The following SEL1L2 variants were observed in gnomAD, a reference collection of about 807,000 sequenced individuals.
SEL1L2 encodes protein sel-1 homolog 2.
Under a neutral mutation model 98.8 loss-of-function variants are expected in SEL1L2, and 89 were observed. That is an observed-to-expected ratio of 0.90 (90% confidence interval 0.76 to 1.07). SEL1L2 has a LOEUF of 1.07. Among genes scored for constraint, SEL1L2 ranks in the 50% least tolerant of loss-of-function variants. The pLI is 0.00. For synonymous variants in SEL1L2, 262 were observed against 278.5 expected, an observed-to-expected ratio of 0.94 and a Z score of 0.59; for missense variants, 788 against 812.0, an observed-to-expected ratio of 0.97 and a Z score of 0.36.
Position 13,869,573 on chromosome 20 carries a change from AAG to A in SEL1L2, c.1183_1184del (p.Leu395Ter). 1 of 1,614,038 alleles carries A rather than the reference AAG, an allele frequency of 6.2e-7. No individual in the cohort carries two copies. ...KGVPLNYAEA[L>X]KYFQKAAEKG... The stretch of plus-strand genomic sequence containing the variant: ...TTTCCGCAGCTTTCTGAAAGTATTT[AAG>A]TGCTTCGGCATAATTCTGCAAGATA... On this transcript the variant is annotated frameshift_variant, in exon 14 of 20. Transcript: ENST00000284951. LOFTEE classifies it high-confidence loss of function.
Position 13,925,063 on chromosome 20 carries a change from C to A in SEL1L2, c.284-5940G>T, listed in dbSNP as rs563890660. The stretch of plus-strand genomic sequence containing the variant: ...CTGAGGTAGGACAATTGCTTAAACC[C>A]GGGAGAAGGAGGATGCAGTGAGCAG... On this transcript the variant is annotated intron_variant, in intron 3 of 19. Transcript: ENST00000284951. Among the ~76,000 whole-genome samples the A allele has an allele frequency of 2.0e-5, 3 of 152,096 alleles. No homozygotes were observed. In the East Asian group the frequency reaches 5.8e-4, roughly 29 times the overall value.
intron 1 of SEL1L2, among the ~76,000 whole-genome samples, chr20:13,982,152 A>C (rs1257525652): frequency 6.6e-6 from 1 of 152,146 alleles, no homozygotes; most frequent in African/African-American, 2.4e-5. Flanking sequence ...AGTTGCTATT[A>C]ACTTTTTGTT....
At position 13,877,564 on chromosome 20, in the gene SEL1L2, C is replaced by T. The variant is rs199635097; in HGVS notation, c.982G>A (p.Ala328Thr). The T allele has an allele frequency of 5.5e-5, 88 of 1,613,002 alleles. No homozygotes were observed. The highest frequency in any genetic ancestry group is 8.3e-5 in the Admixed American group (5 of 60,000). Residue 328 changes from alanine to threonine, a missense_variant, in exon 11 of 20, where the codon GCA (alanine) becomes ACA (threonine). Ala to Thr is a moderately conservative substitution (Grantham distance 58). Transcript: ENST00000284951. The stretch of plus-strand genomic sequence containing the variant: ...GCATTTGCACTCCCGGCCTTTGCTG[C>T]CTTTAAGAAGTAGTGTAATGCTTTC... ...YYKALHYFLK[A>T]AKAGSANAMA...
intron 2 of SEL1L2, among the ~76,000 whole-genome samples, chr20:13,940,556 T>C (rs1325145541): frequency 2.0e-5 from 3 of 152,172 alleles, no homozygotes; most frequent in Non-Finnish European, 2.9e-5. Context: ...GATATTGCGA[T>C]CCTAGGAGAC....
At chr20:13,982,810 G>T (rs915271862) in intron 1 of SEL1L2, among the ~76,000 whole-genome samples, 1 of 151,270 alleles carries the variant, frequency 6.6e-6, no homozygotes, top group African/African-American at 2.4e-5. Context: ...TGGATTACAA[G>T]GTCAGGAGAC....
At chr20:13,873,403 C>T (rs2046292233) in intron 12 of SEL1L2, among the ~76,000 whole-genome samples, 1 of 151,966 alleles carries the variant, frequency 6.6e-6, no homozygotes, top group African/African-American at 2.4e-5. Flanking sequence ...TGCTCTGTTG[C>T]CAGGCTGGAG....
At chr20:13,948,286 A>G (rs889382583) in intron 2 of SEL1L2, among the ~76,000 whole-genome samples, 9 of 152,150 alleles carry the variant, frequency 5.9e-5, no homozygotes, top group African/African-American at 2.2e-4. Flanking sequence ...ATGAAATCTC[A>G]AGGGACTCTG....
chr20:13,849,489 C>T lies in SEL1L2; in HGVS notation c.2063G>A (p.Gly688Glu), dbSNP rs759069759. Residue 688 changes from glycine to glutamate, a missense_variant, in exon 20 of 20, where the codon GGG becomes GAG. Coordinates refer to ENST00000284951, the MANE Select transcript of SEL1L2 (RefSeq NM_025229.2). ...GLILLLRNHH[G>E] Reference sequence around the variant, plus strand: ...GGTTTTCCTGTGATCCGCATCCTACCCATGGTGATTTCTAAGCAACAAAAT... The same window carrying T: ...GGTTTTCCTGTGATCCGCATCCTACTCATGGTGATTTCTAAGCAACAAAAT... The T allele has an allele frequency of 1.9e-6, 3 of 1,613,774 alleles. No individual in the cohort carries two copies. The highest frequency in any genetic ancestry group is 2.5e-6 in the Non-Finnish European group (3 of 1,179,856).
upstream of SEL1L2, among the ~76,000 whole-genome samples, chr20:13,994,082 G>A (rs942711903): frequency 1.3e-5 from 2 of 151,926 alleles, no homozygotes; most frequent in African/African-American, 2.4e-5. Context: ...ATCACTTGAG[G>A]TCAGGAGGTC....
At chr20:13,948,653 G>T (rs1191746195) in intron 2 of SEL1L2, among the ~76,000 whole-genome samples, 21 of 152,146 alleles carry the variant, frequency 1.4e-4, no homozygotes, top group Admixed American at 1.3e-3. Context: ...AAAATACTTA[G>T]AAGAAAACAT....
chr20:13,977,876 G>T (rs1390046930), intron 1 of SEL1L2, among the ~76,000 whole-genome samples: 5 of 151,918 alleles, frequency 3.3e-5, no homozygotes, highest in Non-Finnish European at 7.4e-5. Flanking sequence ...TAAATAAAAA[G>T]ATATATTCAT....
At chr20:13,990,107 G>A (rs1448028001) in intron 1 of SEL1L2, among the ~76,000 whole-genome samples, 1 of 152,124 alleles carries the variant, frequency 6.6e-6, no homozygotes, top group South Asian at 2.1e-4. Context: ...CACACTCTTT[G>A]AGTCTTATAT....
chr20:13,916,731 G>A (rs1193480081), intron 4 of SEL1L2, among the ~76,000 whole-genome samples: 1 of 152,102 alleles, frequency 6.6e-6, no homozygotes, highest in Non-Finnish European at 1.5e-5. Context: ...GCTTGAACTG[G>A]GGAGGTGGAG....
chr20:13,977,989 T>C (rs202103885), intron 1 of SEL1L2, among the ~76,000 whole-genome samples: 2 of 151,654 alleles, frequency 1.3e-5, no homozygotes, highest in African/African-American at 4.8e-5. Context: ...TTCACAAAAA[T>C]AGAAAAAAAA....
intron 5 of SEL1L2, among the ~76,000 whole-genome samples, chr20:13,906,041 A>T (rs2148130649): frequency 6.6e-6 from 1 of 151,842 alleles, no homozygotes; most frequent in Non-Finnish European, 1.5e-5. Flanking sequence ...TACCCAGCTA[A>T]TTTTTTGTAT....
chr20:13,964,446 C>CTTTTTTTTTTT (rs568049752), intron 1 of SEL1L2, among the ~76,000 whole-genome samples: 1 of 105,362 alleles, frequency 9.5e-6, no homozygotes, highest in Non-Finnish European at 1.9e-5. Context: ...GCTATCTCTT[C>CTTTTTTTTTTT]ATTTTTTTTT....
At chr20:13,982,537 C>T (rs866037467) in intron 1 of SEL1L2, among the ~76,000 whole-genome samples, 19 of 143,702 alleles carry the variant, frequency 1.3e-4, no homozygotes, top group South Asian at 2.2e-4. Flanking sequence ...AAGTATATTC[C>T]GAGACAGTAG....
intron 10 of SEL1L2, among the ~76,000 whole-genome samples, chr20:13,884,451 T>C (rs371749727): frequency 9.2e-5 from 14 of 152,328 alleles, no homozygotes; most frequent in African/African-American, 3.4e-4. Flanking sequence ...GAAGTTCATT[T>C]GTTCATTTGC....
Position 13,850,225 on chromosome 20 carries a change from G to C in SEL1L2, c.1913C>G (p.Thr638Ser), listed in dbSNP as rs1044147650. The part of the protein sequence containing the change: ...PVLFAVMKLE[T>S]THLLRDILFF... ...CAGGATATCCCGGAGCAAATGCGTA[G>C]TTTCCAGTTTCATGACGGCAAAGAG... The change falls in exon 19 of 20, where the codon ACT becomes AGT. Residue 638 changes from threonine to serine, a missense_variant. Physicochemically the swap from Thr to Ser is moderately conservative, Grantham distance 58. Transcript: ENST00000284951. 8.1e-6 allele frequency: 13 copies of C among 1,613,902 alleles called. No individual in the cohort carries two copies. Among genetic ancestry groups the C allele is most frequent in the Non-Finnish European group, 1.1e-5 (13 of 1,179,930 alleles).
Sources: allele counts gnomAD v4.1 joint callset (sites outside exome capture counted in the v4.1 genomes callset), GRCh38; gene constraint gnomAD v4.1.1; transcripts MANE v1.5; gene names NCBI Gene and HGNC (gene_info 2026-07-23, HGNC 2026-07-21).